The following CEMIP variants were observed in gnomAD, a reference collection of about 807,000 sequenced individuals.
CEMIP encodes cell migration-inducing and hyaluronan-binding protein.
A neutral mutation model predicts 156.9 loss-of-function variants in CEMIP; 105 were observed. The observed-to-expected ratio is 0.67, with a 90% CI of 0.57 to 0.79. The LOEUF (loss-of-function observed/expected upper bound fraction) is 0.79. Among genes scored for constraint, CEMIP ranks in the 30% least tolerant of loss-of-function variants. CEMIP has a pLI of 0.00. For synonymous variants in CEMIP, 676 were observed against 668.4 expected (o/e 1.01, Z -0.17); for missense variants, 1,457 against 1,769.4 (o/e 0.82, Z 3.17).
chr15:80,870,980 C>T (rs1277665699), intron 1 of CEMIP, among the ~76,000 whole-genome samples: 1 of 152,218 alleles, frequency 6.6e-6, no homozygotes, highest in Non-Finnish European at 1.5e-5. Flanking sequence ...CCTGCAGAGA[C>T]TTCCAGCATT....
chr15:80,894,944 A>G, intron 10 of CEMIP, 46 bp from the exon 11 acceptor site: 1 of 1,600,990 alleles, frequency 6.2e-7, no homozygotes, highest in Non-Finnish European at 8.6e-7. Flanking sequence ...TTCCTTCTCT[A>G]TAAAAAAAAA....
At chr15:80,812,309 T>A (rs1286213287) in intron 1 of CEMIP, among the ~76,000 whole-genome samples, 4 of 152,226 alleles carry the variant, frequency 2.6e-5, no homozygotes, top group Non-Finnish European at 4.4e-5. Context: ...CATCTTCATG[T>A]CCATCTAAGG....
intron 9 of CEMIP, 42 bp downstream of exon 9, chr15:80,888,838 T>G (rs1898940173): frequency 2.7e-6 from 4 of 1,461,386 alleles, no homozygotes; most frequent in Non-Finnish European, 2.9e-6. Context: ...AACAGTGGGA[T>G]AGAAGACCAG....
chr15:80,794,279 T>C (rs1038779039), intron 1 of CEMIP, among the ~76,000 whole-genome samples: 2 of 152,248 alleles, frequency 1.3e-5, no homozygotes, highest in Non-Finnish European at 2.9e-5. Flanking sequence ...ATGACTATTT[T>C]TTTAACCAGA....
intron 1 of CEMIP, among the ~76,000 whole-genome samples, chr15:80,850,108 G>A (rs1159442766): frequency 1.3e-5 from 2 of 152,190 alleles, no homozygotes; most frequent in Non-Finnish European, 2.9e-5. Flanking sequence ...TGGCTGTCCA[G>A]GCAAGGGATG....
At chr15:80,833,547 C>T (rs1183363123) in intron 1 of CEMIP, among the ~76,000 whole-genome samples, 1 of 152,160 alleles carries the variant, frequency 6.6e-6, no homozygotes, top group Non-Finnish European at 1.5e-5. Context: ...ACCCATCCTT[C>T]CTTTGGGTAT....
At chr15:80,828,208 G>A (rs541360759) in intron 1 of CEMIP, among the ~76,000 whole-genome samples, 19 of 152,030 alleles carry the variant, frequency 1.2e-4, no homozygotes, top group East Asian at 1.9e-4. Context: ...GTGAAACCTC[G>A]TCTCTACTAA....
At chr15:80,791,971 GC>G (rs1462712020) in intron 1 of CEMIP, among the ~76,000 whole-genome samples, 1 of 152,174 alleles carries the variant, frequency 6.6e-6, no homozygotes, top group Non-Finnish European at 1.5e-5. Flanking sequence ...GTCTGCCGAT[GC>G]CCCCTGGGTG....
intron 29 of CEMIP, 78 bp downstream of exon 29, chr15:80,947,143 T>C: frequency 1.1e-6 from 1 of 893,128 alleles, no homozygotes; most frequent in Non-Finnish European, 1.8e-6. Context: ...TGCTGTCATC[T>C]TTTGCTGAGT....
intron 1 of CEMIP, among the ~76,000 whole-genome samples, chr15:80,825,494 T>G (rs978054738): frequency 4.6e-5 from 7 of 152,202 alleles, no homozygotes; most frequent in Non-Finnish European, 7.3e-5. Flanking sequence ...TAAATGTTAA[T>G]AAGAATTTCC....
In CEMIP at chr15:80,937,924, A is replaced by C. The variant is rs1901193843; in HGVS notation, c.3352A>C (p.Lys1118Gln). 2 of 1,614,096 alleles carry C rather than the reference A, an allele frequency of 1.2e-6. No individual in the cohort carries two copies. The highest frequency in any genetic ancestry group is 2.7e-5 in the African/African-American group (2 of 74,940). The stretch of plus-strand genomic sequence containing the variant: ...CTTCGTGAGGACCTTGCAGATGGAC[A>C]AAGTGGAGCAGAGCTACCCTGGCAG... ...GVFVRTLQMD[K>Q]VEQSYPGRSH... is the part of the protein sequence containing the mutation. The change falls in exon 25 of 30, where the codon AAA (lysine) becomes CAA (glutamine). Residue 1118 changes from lysine (K) to glutamine (Q), a missense_variant. Coordinates refer to ENST00000394685, the MANE Select transcript of CEMIP (RefSeq NM_001293298.2).
At chr15:80,792,728 G>A (rs1052336119) in intron 1 of CEMIP, among the ~76,000 whole-genome samples, 3 of 152,202 alleles carry the variant, frequency 2.0e-5, no homozygotes, top group African/African-American at 7.2e-5. Context: ...ATGGGCAGTA[G>A]CTGGTCCTAG....
At chr15:80,813,217 A>G (rs1896710256) in intron 1 of CEMIP, among the ~76,000 whole-genome samples, 1 of 152,122 alleles carries the variant, frequency 6.6e-6, no homozygotes, top group Non-Finnish European at 1.5e-5. Context: ...ACCTCCTTCA[A>G]AAGGTTGTAG....
rs933956661 is a variant in CEMIP, at chr15:80,922,866, G to A, written c.2202+729G>A. Among the ~76,000 whole-genome samples the A allele has an allele frequency of 3.9e-5, 6 of 152,178 alleles. No individual in the cohort carries two copies. The South Asian group carries it at 1.0e-3, about 26-fold the overall frequency. ...AGCTTGGAGCATGGCTGAGACCAGA[G>A]ACGCTCTTTGTTGGGGCAGAGGTGG... On this transcript the variant is annotated intron_variant, in intron 17 of 29. Coordinates refer to ENST00000394685, the MANE Select transcript of CEMIP (RefSeq NM_001293298.2).
chr15:80,853,514 C>A (rs1473537415), intron 1 of CEMIP, among the ~76,000 whole-genome samples: 1 of 152,008 alleles, frequency 6.6e-6, no homozygotes, highest in Non-Finnish European at 1.5e-5. Context: ...AAAGTGGAGA[C>A]CCTGGCTCAA....
intron 1 of CEMIP, among the ~76,000 whole-genome samples, chr15:80,789,840 T>C (rs748065473): frequency 2.6e-5 from 4 of 152,248 alleles, no homozygotes; most frequent in Non-Finnish European, 5.9e-5. Flanking sequence ...ATATAAAATT[T>C]ATTTAAATAA....
rs1416524815 is a variant in CEMIP at position 80,889,714 on chromosome 15, C to A, written c.1086+122C>A. ...CTCGTTGCCCTCCTGTGAGGTAGGT[C>A]AGCCAAAGAGTACCATTCCCACTTT... On this transcript the variant is annotated intron_variant, in intron 10 of 29. Coordinates refer to ENST00000394685, the MANE Select transcript of CEMIP (RefSeq NM_001293298.2). 4 of 1,271,996 alleles carry A rather than the reference C, an allele frequency of 3.1e-6. No homozygotes were observed. In the African/African-American group the frequency reaches 5.9e-5, roughly 19 times the overall value. The allele number at this position is 1,271,996 out of a possible 1,614,324, so 78.8% of individuals were successfully genotyped here.
intron 12 of CEMIP, among the ~76,000 whole-genome samples, chr15:80,900,590 GTGTGTGT>G (rs1899448932): frequency 1.4e-5 from 1 of 71,160 alleles, no homozygotes; most frequent in South Asian, 6.8e-4. Context: ...GTAGGGGTGT[GTGTGTGT>G]GTGTGTGTGT....
At chr15:80,828,851 G>T (rs1897094988) in intron 1 of CEMIP, among the ~76,000 whole-genome samples, 1 of 152,220 alleles carries the variant, frequency 6.6e-6, no homozygotes, top group South Asian at 2.1e-4. Flanking sequence ...ACAAATGGCT[G>T]CAATGCTTCC....
Sources: gnomAD v4.1 joint callset for allele counts (sites outside exome capture counted in the v4.1 genomes callset) on GRCh38, gnomAD v4.1.1 for gene constraint, MANE v1.5 for transcripts, NCBI Gene and HGNC (gene_info 2026-07-23, HGNC 2026-07-21) for gene names.